WBP1L: variants seen among roughly 807,000 people sequenced by gnomAD.
WBP1L encodes WW domain binding protein 1 like.
A neutral mutation model predicts 33.7 loss-of-function variants in WBP1L; 17 were observed. The observed-to-expected ratio is 0.50, with a 90% CI of 0.34 to 0.76. WBP1L has a LOEUF of 0.76. Ranked by LOEUF, WBP1L falls within the 30% of genes least tolerant of loss-of-function variation. The pLI, the probability that WBP1L is intolerant of heterozygous loss-of-function variation, is 0.01. For synonymous variants in WBP1L, 173 were observed against 190.8 expected (o/e 0.91, Z 0.77); for missense variants, 389 against 469.4 (o/e 0.83, Z 1.58).
intron 1 of WBP1L, among the ~76,000 whole-genome samples, chr10:102,780,811 G>A (rs186648996): frequency 2.0e-5 from 3 of 152,322 alleles, no homozygotes; most frequent in East Asian, 3.9e-4. Context: ...CACTATAGGT[G>A]CTAGGTGTGT....
intron 1 of WBP1L, chr10:102,776,317 G>C (rs1390072397): frequency 5.0e-6 from 8 of 1,613,300 alleles, no homozygotes; most frequent in Middle Eastern, 1.6e-4. Flanking sequence ...CCCACCAGGG[G>C]CAATGCTCAT....
chr10:102,784,724 G>A (rs1007440080), intron 1 of WBP1L, among the ~76,000 whole-genome samples: 16 of 146,964 alleles, frequency 1.1e-4, no homozygotes, highest in Admixed American at 4.7e-4. Flanking sequence ...CGCGCCCGGC[G>A]AATTTTTTAA....
At chr10:102,744,525 C>CCAACTCAATAGCCTGTG in intron 1 of WBP1L, 1 of 977,052 alleles carries the variant, frequency 1.0e-6, no homozygotes, top group Non-Finnish European at 1.2e-6. Flanking sequence ...GGTACACAGG[C>CCAACTCAATAGCCTGTG]TATTGAGTTG....
chr10:102,807,581 C>T (rs1343325651), intron 2 of WBP1L, among the ~76,000 whole-genome samples: 1 of 152,030 alleles, frequency 6.6e-6, no homozygotes, highest in Non-Finnish European at 1.5e-5. Flanking sequence ...ACCATGTTGG[C>T]CAGGATGGTC....
intron 2 of WBP1L, among the ~76,000 whole-genome samples, chr10:102,807,106 A>G (rs1843748411): frequency 1.3e-5 from 2 of 152,216 alleles, no homozygotes; most frequent in Non-Finnish European, 2.9e-5. Flanking sequence ...AGCAGATGAT[A>G]AAAAATACAC....
intron 3 of WBP1L, 119 bp from the exon 4 acceptor site, chr10:102,812,476 A>G: frequency 8.2e-7 from 1 of 1,221,662 alleles, no homozygotes. Flanking sequence ...AGCTGTAGCC[A>G]TCACTTGTTG....
intron 1 of WBP1L, among the ~76,000 whole-genome samples, chr10:102,788,034 G>A (rs556473795): frequency 5.3e-5 from 8 of 150,216 alleles, no homozygotes; most frequent in African/African-American, 1.5e-4. Context: ...AGCCGAGATC[G>A]TGCCACTGTA....
intron 1 of WBP1L, among the ~76,000 whole-genome samples, chr10:102,790,014 A>AG (rs1313076022): frequency 2.0e-5 from 3 of 152,200 alleles, no homozygotes; most frequent in African/African-American, 7.2e-5. Flanking sequence ...CTGGGATTAT[A>AG]GGCATGAGCC....
chr10:102,752,715 A>C lies in WBP1L; in HGVS notation c.90+8572A>C, dbSNP rs572402496. 2.4e-4 allele frequency among the ~76,000 whole-genome samples: 37 copies of C among 152,142 alleles called. No homozygotes were observed. In the East Asian group the frequency reaches 5.8e-3, roughly 24 times the overall value. On this transcript the variant is annotated intron_variant, in intron 1 of 3. Coordinates refer to ENST00000448841, the MANE Select transcript of WBP1L (RefSeq NM_001083913.2). ...AGAACTTTTTCCTTTCCCCATTCCA[A>C]GTCCTGGCTCTACTCTGATTTTCGG...
Position 102,775,580 on chromosome 10 carries a change from C to T in WBP1L, c.91-22413C>T, listed in dbSNP as rs12415745. Among the ~76,000 whole-genome samples, 142 of 152,242 alleles carry T rather than the reference C, an allele frequency of 9.3e-4. 2 individuals carry two copies. The highest frequency in any genetic ancestry group is 8.4e-3 in the Admixed American group (128 of 15,294). On this transcript the variant is annotated intron_variant, in intron 1 of 3. Transcript: ENST00000448841. ...GGAAAGATGTTGGCACCTGTACTTG[C>T]GCAGTTTGTTTATGAAATATAAACT...
rs1456621324 is a variant in WBP1L at position 102,814,606 on chromosome 10, G to C, written c.*1275G>C. 6.8e-6 allele frequency: 1 copy of C among 147,312 alleles called. No homozygotes were observed. Among genetic ancestry groups the C allele is most frequent in the Non-Finnish European group, 1.5e-5 (1 of 67,086 alleles). 9.1% of individuals were successfully genotyped at this position (147,312 alleles called of 1,614,324 possible). A position where few individuals can be genotyped will look rare whatever the true frequency, so the allele number is the denominator to read the frequency against. ...CCCTGCCTCTACCCCCACCCCTTTT[G>C]AGTCGGGTGACTCATTTTTCTGTGT... On this transcript the variant is annotated 3_prime_UTR_variant, in exon 4 of 4. Coordinates refer to ENST00000448841, the MANE Select transcript of WBP1L (RefSeq NM_001083913.2).
Position 102,744,043 on chromosome 10 carries a change from GC to G in WBP1L, c.-10del. ...GCGGCGCCGTGGCGGAGGAGCAGGAGCAGGAGGGGGATGGAGAGGAGAAGGC... is the reference window on the plus strand; with the variant it reads ...GCGGCGCCGTGGCGGAGGAGCAGGAGAGGAGGGGGATGGAGAGGAGAAGGC... On this transcript the variant is annotated 5_prime_UTR_variant, in exon 1 of 4. Transcript: ENST00000448841. The G allele has an allele frequency of 6.5e-7, 1 of 1,546,140 alleles. No individual in the cohort carries two copies.
chr10:102,777,833 A>G (rs1026068374), intron 1 of WBP1L, among the ~76,000 whole-genome samples: 6 of 151,996 alleles, frequency 3.9e-5, no homozygotes, highest in Admixed American at 2.0e-4. Context: ...CCGAAGTGCT[A>G]GGATTACAGG....
chr10:102,748,546 T>G (rs1343713029), intron 1 of WBP1L, among the ~76,000 whole-genome samples: 1 of 152,214 alleles, frequency 6.6e-6, no homozygotes, highest in Non-Finnish European at 1.5e-5. Flanking sequence ...TGTACCAAAG[T>G]GTAAAATCAG....
chr10:102,769,297 CAAAA>C (rs1409980579), intron 1 of WBP1L, among the ~76,000 whole-genome samples: 1 of 151,842 alleles, frequency 6.6e-6, no homozygotes, highest in African/African-American at 2.4e-5. Flanking sequence ...TCTTTGAAAA[CAAAA>C]ACCTTCTTTG....
intron 1 of WBP1L, among the ~76,000 whole-genome samples, chr10:102,772,000 G>A (rs1187315714): frequency 2.0e-5 from 3 of 147,332 alleles, no homozygotes; most frequent in Non-Finnish European, 3.0e-5. Context: ...TCGCTCTGTC[G>A]CCCAGGCTGG....
intron 1 of WBP1L, among the ~76,000 whole-genome samples, chr10:102,761,479 G>A (rs1443842685): frequency 2.0e-5 from 3 of 150,056 alleles, no homozygotes; most frequent in Admixed American, 6.7e-5. Context: ...TTTTTGAGAC[G>A]GAGTTTCACT....
chr10:102,757,422 G>A lies in WBP1L; in HGVS notation c.90+13279G>A, dbSNP rs373423496. ...GCACTGTTTGTCAAGTATGGGGGTC[G>A]TCACCCATCTTGACCACAGGGCTAG... On this transcript the variant is annotated intron_variant, in intron 1 of 3. Transcript: ENST00000448841. Among the ~76,000 whole-genome samples, 5 of 152,202 alleles carry A rather than the reference G, an allele frequency of 3.3e-5. No homozygotes were observed. The East Asian group carries it at 7.7e-4, about 23-fold the overall frequency.
At chr10:102,806,203 C>G (rs1435809333) in intron 2 of WBP1L, among the ~76,000 whole-genome samples, 1 of 150,338 alleles carries the variant, frequency 6.7e-6, no homozygotes, top group Non-Finnish European at 1.5e-5. Flanking sequence ...GAATGAGACC[C>G]TGTCTCAAAA....
Sources: allele counts gnomAD v4.1 joint callset (sites outside exome capture counted in the v4.1 genomes callset), GRCh38; gene constraint gnomAD v4.1.1; transcripts MANE v1.5; gene names NCBI Gene and HGNC (gene_info 2026-07-23, HGNC 2026-07-21).